The following SAMD4A variants were observed in gnomAD, a reference collection of about 807,000 sequenced individuals.
SAMD4A encodes protein Smaug homolog 1.
Under a neutral mutation model 81.3 loss-of-function variants are expected in SAMD4A, and 33 were observed. That is an observed-to-expected ratio of 0.41 (90% CI 0.31 to 0.54). The LOEUF is 0.54. SAMD4A is among the 20% of genes least tolerant of loss of function. SAMD4A has a pLI of 0.37. For missense variants in SAMD4A, 854 were observed against 951.1 expected (o/e 0.90, Z 1.34); for synonymous variants, 389 against 382.1 (o/e 1.02, Z -0.21).
chr14:54,701,997 A>AGTATCT, intron 2 of SAMD4A, 65 bp from the exon 3 acceptor site: 1 of 1,519,056 alleles, frequency 6.6e-7, no homozygotes, highest in South Asian at 1.2e-5. Flanking sequence ...AATTCTCTTT[A>AGTATCT]GAGTATCTGT....
At chr14:54,702,746 T>A (rs2036752912) in intron 3 of SAMD4A, 166 bp downstream of exon 3, 4 of 784,152 alleles carry the variant, frequency 5.1e-6, no homozygotes, top group Non-Finnish European at 8.1e-6. Flanking sequence ...TTTGTTGCTC[T>A]TTGACTCTGC....
chr14:54,699,969 G>A (rs2036671088), intron 2 of SAMD4A, among the ~76,000 whole-genome samples: 1 of 152,216 alleles, frequency 6.6e-6, no homozygotes, highest in African/African-American at 2.4e-5. Context: ...CACTTGAAGT[G>A]AGTCAAGCAT....
intron 8 of SAMD4A, among the ~76,000 whole-genome samples, chr14:54,767,628 G>C (rs2038586607): frequency 6.6e-6 from 1 of 152,256 alleles, no homozygotes; most frequent in Non-Finnish European, 1.5e-5. Context: ...GAACTCTGGA[G>C]TGGTGACTAG....
At chr14:54,757,464 AG>A (rs1375230137) in intron 6 of SAMD4A, among the ~76,000 whole-genome samples, 3 of 151,316 alleles carry the variant, frequency 2.0e-5, no homozygotes, top group African/African-American at 7.3e-5. Flanking sequence ...TGCCTCCAAT[AG>A]AAGAATCAGA....
chr14:54,774,954 A>G lies in SAMD4A; in HGVS notation c.1736A>G (p.Asn579Ser). The change falls in exon 10 of 13, where the codon AAC (asparagine) becomes AGC (serine). Residue 579 changes from asparagine to serine, a missense_variant. This residue lies in a region of SAMD4A where 428 missense variants were observed against 471.2 expected (regional missense o/e 0.91). Transcript: ENST00000554335. ...QQRNRGFGQS[N>S]SLPTAGSVGG... ...CACAGTCGAGGCTTTGGGCAATCCA[A>G]CTCCCTCCCGACGGCTGGCTCTGTG... 1.2e-6 allele frequency: 2 copies of G among 1,613,602 alleles called. No individual in the cohort carries two copies. Among genetic ancestry groups the G allele is most frequent in the Non-Finnish European group, 1.7e-6 (2 of 1,179,918 alleles).
At chr14:54,757,135 C>T (rs2139844163) in intron 6 of SAMD4A, among the ~76,000 whole-genome samples, 1 of 152,284 alleles carries the variant, frequency 6.6e-6, no homozygotes, top group Admixed American at 6.5e-5. Context: ...GTTTCCTTCT[C>T]AATTTGGGCA....
chr14:54,682,256 A>C (rs2036146283), intron 2 of SAMD4A, among the ~76,000 whole-genome samples: 1 of 152,190 alleles, frequency 6.6e-6, no homozygotes, highest in Non-Finnish European at 1.5e-5. Context: ...AGTAGCCAGA[A>C]CTTGCTCAGT....
intron 12 of SAMD4A, 135 bp from the exon 13 acceptor site, chr14:54,788,781 G>A (rs1376148842): frequency 2.0e-5 from 21 of 1,029,526 alleles, no homozygotes; most frequent in Admixed American, 5.3e-5. Flanking sequence ...ATGTAAATGC[G>A]TGAACACATG....
At chr14:54,577,784 G>C (rs187915548) in intron 2 of SAMD4A, among the ~76,000 whole-genome samples, 2 of 151,528 alleles carry the variant, frequency 1.3e-5, no homozygotes, top group African/African-American at 2.4e-5. Flanking sequence ...ACAGAATGGC[G>C]GGGGGGCACT....
At position 54,792,791 on chromosome 14, in the gene SAMD4A, A is replaced by G. The variant is rs1332814273; in HGVS notation, c.*3847A>G. ...TTCCTTTATCTTTACTTAAAGGTGAATGTGTATTCCTCTGGGAGGAATAGG... is the reference window on the plus strand; with the variant it reads ...TTCCTTTATCTTTACTTAAAGGTGAGTGTGTATTCCTCTGGGAGGAATAGG... On this transcript the variant is annotated 3_prime_UTR_variant, in exon 13 of 13. Coordinates refer to ENST00000554335, the MANE Select transcript of SAMD4A (RefSeq NM_015589.6). 1.3e-5 allele frequency: 2 copies of G among 152,040 alleles called. No individual in the cohort carries two copies. The highest frequency in any genetic ancestry group is 4.8e-5 in the African/African-American group (2 of 41,404). The allele number at this position is 152,040 out of a possible 1,614,324, so 9.4% of individuals were successfully genotyped here.
intron 2 of SAMD4A, among the ~76,000 whole-genome samples, chr14:54,585,993 C>T (rs911363396): frequency 6.6e-6 from 1 of 152,018 alleles, no homozygotes; most frequent in Non-Finnish European, 1.5e-5. Flanking sequence ...ATCTACTTTT[C>T]GTTCTTTAAG....
At chr14:54,696,055 A>G (rs2036570715) in intron 2 of SAMD4A, among the ~76,000 whole-genome samples, 2 of 152,028 alleles carry the variant, frequency 1.3e-5, no homozygotes, top group Admixed American at 1.3e-4. Context: ...GTAAGGGCTC[A>G]TAACTCCAGA....
intron 2 of SAMD4A, among the ~76,000 whole-genome samples, chr14:54,634,178 C>T (rs368423847): frequency 2.0e-5 from 3 of 149,750 alleles, no homozygotes; most frequent in African/African-American, 7.4e-5. Flanking sequence ...CCCAGCTACT[C>T]GGGAGGCTGA....
chr14:54,578,946 C>A (rs2033387010), intron 2 of SAMD4A, among the ~76,000 whole-genome samples: 1 of 152,178 alleles, frequency 6.6e-6, no homozygotes. Flanking sequence ...TTTTGGGTCA[C>A]CCAAAAGCAG....
chr14:54,766,090 T>TC (rs1299840430), intron 8 of SAMD4A, among the ~76,000 whole-genome samples: 1 of 152,188 alleles, frequency 6.6e-6, no homozygotes, highest in African/African-American at 2.4e-5. Context: ...AATGGTTTTT[T>TC]CCCTCTTTAA....
chr14:54,776,311 AG>A (rs1407554435), intron 10 of SAMD4A, 102 bp from the exon 11 acceptor site: 14 of 1,247,906 alleles, frequency 1.1e-5, no homozygotes, highest in Non-Finnish European at 1.5e-5. Context: ...TCTAGAAGTT[AG>A]AGTTCTCCTG....
chr14:54,687,695 C>T (rs777610821), intron 2 of SAMD4A, among the ~76,000 whole-genome samples: 9 of 152,138 alleles, frequency 5.9e-5, no homozygotes, highest in Non-Finnish European at 8.8e-5. Flanking sequence ...GGCACCAGGG[C>T]ATTACTGCAT....
chr14:54,751,655 C>A (rs1175863417), intron 6 of SAMD4A, 118 bp downstream of exon 6: 1 of 728,642 alleles, frequency 1.4e-6, no homozygotes, highest in East Asian at 2.7e-5. Flanking sequence ...GGTTTCCTTA[C>A]CAAAGTCAGA....
rs577898010 is a variant in SAMD4A at position 54,669,698 on chromosome 14, A to C, written c.197-32364A>C. On this transcript the variant is annotated intron_variant, in intron 2 of 12. Transcript: ENST00000554335. ...CCACTAGGTATTGCTGTTCCTGCCT[A>C]TAATTAGCACCTCTTTTCTCTCACA... is the stretch of plus-strand genomic sequence containing the variant. Among the ~76,000 whole-genome samples the C allele has an allele frequency of 2.6e-5, 4 of 152,198 alleles. No individual in the cohort carries two copies. In the South Asian group the frequency reaches 8.3e-4, roughly 32 times the overall value.
Sources: gnomAD v4.1 joint callset for allele counts (sites outside exome capture counted in the v4.1 genomes callset) on GRCh38, gnomAD v4.1.1 for gene constraint, gnomAD v4.1.1 regional missense constraint, MANE v1.5 for transcripts, NCBI Gene and HGNC (gene_info 2026-07-23, HGNC 2026-07-21) for gene names.